CRY2: variants seen among roughly 807,000 people sequenced by gnomAD.
CRY2 encodes the protein cryptochrome circadian regulator 2, also known as cryptochrome-2.
A neutral mutation model predicts 69.5 loss-of-function variants in CRY2; 31 were observed. The ratio of observed to expected loss-of-function variants is 0.45; its 90% CI spans 0.34 to 0.60. The LOEUF is 0.60. Ranked by LOEUF, CRY2 falls within the 20% of genes least tolerant of loss-of-function variation. The pLI is 0.02. For missense variants in CRY2, 606 were observed against 797.8 expected, an observed-to-expected ratio of 0.76 and a Z score of 2.90; for synonymous variants, 303 against 312.2, an observed-to-expected ratio of 0.97 and a Z score of 0.31.
At chr11:45,864,071 C>T (rs1224604218) in intron 5 of CRY2, among the ~76,000 whole-genome samples, 2 of 152,186 alleles carry the variant, frequency 1.3e-5, no homozygotes, top group Non-Finnish European at 2.9e-5. Flanking sequence ...AGGAGGCAAG[C>T]ATTATGTGCC....
At chr11:45,856,342 G>A in intron 2 of CRY2, 1 of 434,666 alleles carries the variant, frequency 2.3e-6, no homozygotes, top group South Asian at 3.3e-5. Flanking sequence ...ATAGGATGTG[G>A]TAAGTCATTC....
intron 8 of CRY2, 41 bp downstream of exon 8, chr11:45,870,245 G>A (rs370792281): frequency 1.2e-6 from 2 of 1,610,460 alleles, no homozygotes; most frequent in African/African-American, 2.7e-5. Flanking sequence ...TGACCACTGT[G>A]GCCTCCTACT....
chr11:45,870,956 C>A, intron 10 of CRY2, 22 bp downstream of exon 10: 1 of 1,566,986 alleles, frequency 6.4e-7, no homozygotes. Flanking sequence ...CAACCAACCT[C>A]CTGTGGCCTC....
chr11:45,873,388 A>G (rs546136632), intron 11 of CRY2, among the ~76,000 whole-genome samples: 106 of 152,308 alleles, frequency 7.0e-4, no homozygotes, highest in African/African-American at 2.4e-3. Flanking sequence ...GCTCTTTGAC[A>G]TAGACATTGC....
At chr11:45,848,169 C>A (rs569330027) in intron 1 of CRY2, among the ~76,000 whole-genome samples, 6 of 152,176 alleles carry the variant, frequency 3.9e-5, no homozygotes, top group Non-Finnish European at 5.9e-5. Flanking sequence ...CACTCCGAAG[C>A]CTCTGGCTCG....
In CRY2 at chr11:45,883,108, C is replaced by T; in HGVS notation, c.*2197C>T. The T allele has an allele frequency of 4.9e-6, 1 of 203,758 alleles. No individual in the cohort carries two copies. The highest frequency in any genetic ancestry group is 9.8e-6 in the Non-Finnish European group (1 of 101,982). The allele number at this position is 203,758 out of a possible 1,614,324, so 12.6% of individuals were successfully genotyped here. A position where few individuals can be genotyped will look rare whatever the true frequency, so the allele number is the denominator to read the frequency against. On this transcript the variant is annotated 3_prime_UTR_variant, in exon 12 of 12. Transcript: ENST00000616080. ...TCGGAACAGTGCCTCAAATCCTGAC[C>T]CAAGGGCCAGCATGGGGAAGAGATG...
chr11:45,852,360 A>G (rs914893136), intron 1 of CRY2, among the ~76,000 whole-genome samples: 1 of 152,198 alleles, frequency 6.6e-6, no homozygotes, highest in Admixed American at 6.5e-5. Flanking sequence ...GGAGGGTTCT[A>G]AGGGACCACA....
chr11:45,847,524 G>C lies in CRY2; in HGVS notation c.34G>C (p.Ala12Pro). Residue 12 changes from alanine to proline, a missense_variant, in exon 1 of 12, where the codon GCC (alanine) becomes CCC (proline). By Grantham distance (27) the Ala-to-Pro change is conservative. Around this residue, in one of 5 missense-constraint regions of CRY2, gnomAD observed 45 missense variants for 35.7 expected, o/e 1.26. Coordinates refer to ENST00000616080, the MANE Select transcript of CRY2 (RefSeq NM_021117.5). ...GACTGTGGCGACGGCGGCAGCTGTG[G>C]CCCCGGCGCCAGCGCCCGGCACGGA... ...AATVATAAAV[A>P]PAPAPGTDSA... The C allele has an allele frequency of 1.3e-6, 2 of 1,588,128 alleles. No homozygotes were observed. The highest frequency in any genetic ancestry group is 1.7e-6 in the Non-Finnish European group (2 of 1,171,856).
chr11:45,867,576 A>T, intron 5 of CRY2, 36 bp from the exon 6 acceptor site: 1 of 1,613,512 alleles, frequency 6.2e-7, no homozygotes, highest in Non-Finnish European at 8.5e-7. Context: ...GTTACATCCA[A>T]GCCTTTCCTT....
At chr11:45,868,108 G>A (rs1018045934) in intron 6 of CRY2, among the ~76,000 whole-genome samples, 1 of 152,250 alleles carries the variant, frequency 6.6e-6, no homozygotes, top group African/African-American at 2.4e-5. Flanking sequence ...GCTGGAGCCA[G>A]TCTGAAGTGG....
intron 4 of CRY2, 141 bp downstream of exon 4, chr11:45,861,173 C>T (rs1042491001): frequency 3.5e-6 from 3 of 868,168 alleles, no homozygotes; most frequent in Non-Finnish European, 1.7e-6. Flanking sequence ...ACTATTACTC[C>T]ACCACCCAGA....
intron 6 of CRY2, 38 bp from the exon 7 acceptor site, chr11:45,869,468 G>A (rs2086356975): frequency 1.3e-6 from 2 of 1,565,010 alleles, no homozygotes; most frequent in Admixed American, 3.4e-5. Context: ...TAAGAGCTGG[G>A]CGAGTGTTTG....
In CRY2 at chr11:45,855,885, T is replaced by C. The variant is rs909409636; in HGVS notation, c.216-97T>C. 1.5e-5 allele frequency: 16 copies of C among 1,041,054 alleles called. No homozygotes were observed. In the East Asian group the frequency reaches 3.8e-4, roughly 25 times the overall value. 64.5% of individuals were successfully genotyped at this position (1,041,054 alleles called of 1,614,324 possible). A position where few individuals can be genotyped will look rare whatever the true frequency, so the allele number is the denominator to read the frequency against. On this transcript the variant is annotated intron_variant, in intron 1 of 11. Coordinates refer to ENST00000616080, the MANE Select transcript of CRY2 (RefSeq NM_021117.5). ...CCCTAGTGATCATGAGGCTGCCTGTTGGGCATAAACAGCGAACCAGTTTCT... is the reference window on the plus strand; with the variant it reads ...CCCTAGTGATCATGAGGCTGCCTGTCGGGCATAAACAGCGAACCAGTTTCT...
intron 3 of CRY2, among the ~76,000 whole-genome samples, chr11:45,859,330 T>TTGAGAGGCCAAGG (rs6144333): frequency 6.6e-6 from 1 of 151,704 alleles, no homozygotes; most frequent in Non-Finnish European, 1.5e-5. Flanking sequence ...TCCCAGCACT[T>TTGAGAGGCCAAGG]TGAGAGGATC....
At chr11:45,870,572 G>T in intron 9 of CRY2, 40 bp downstream of exon 9, 2 of 1,603,600 alleles carry the variant, frequency 1.2e-6, no homozygotes, top group Non-Finnish European at 1.7e-6. Flanking sequence ...GGGAAGGACA[G>T]CACCTACAGG....
chr11:45,878,238 G>C (rs1469164000), intron 11 of CRY2, among the ~76,000 whole-genome samples: 1 of 152,168 alleles, frequency 6.6e-6, no homozygotes, highest in African/African-American at 2.4e-5. Flanking sequence ...TCCATGGACT[G>C]CACCAAAGCC....
chr11:45,856,355 C>G, intron 2 of CRY2: 2 of 390,344 alleles, frequency 5.1e-6, no homozygotes. Context: ...AGTCATTCCA[C>G]TCTGGATGCC....
Position 45,883,212 on chromosome 11 carries a change from T to G in CRY2, c.*2301T>G, listed in dbSNP as rs1029567906. 1 of 153,892 alleles carries G rather than the reference T, an allele frequency of 6.5e-6. No individual in the cohort carries two copies. Among genetic ancestry groups the G allele is most frequent in the Non-Finnish European group, 1.5e-5 (1 of 68,812 alleles). The allele number at this position is 153,892 out of a possible 1,614,324, so 9.5% of individuals were successfully genotyped here. Reference sequence around the variant, plus strand: ...TCTCCCACAATTTGTTTGTGAATATTCACTTGTTTTATAAATGTCTGACCT... The same window carrying G: ...TCTCCCACAATTTGTTTGTGAATATGCACTTGTTTTATAAATGTCTGACCT... On this transcript the variant is annotated 3_prime_UTR_variant, in exon 12 of 12. Coordinates refer to ENST00000616080, the MANE Select transcript of CRY2 (RefSeq NM_021117.5).
At chr11:45,875,228 TG>T (rs1333101256) in intron 11 of CRY2, among the ~76,000 whole-genome samples, 1 of 152,214 alleles carries the variant, frequency 6.6e-6, no homozygotes, top group Admixed American at 6.5e-5. Context: ...CTCAAGTGTG[TG>T]GGTCATGAGT....
Sources: gnomAD v4.1 joint callset for allele counts (sites outside exome capture counted in the v4.1 genomes callset) on GRCh38, gnomAD v4.1.1 for gene constraint, gnomAD v4.1.1 regional missense constraint, MANE v1.5 for transcripts, NCBI Gene and HGNC (gene_info 2026-07-23, HGNC 2026-07-21) for gene names.